Variants in FDXR observed in about 807,000 individuals in gnomAD.
FDXR encodes the protein NADPH:adrenodoxin oxidoreductase, mitochondrial.
In FDXR, 38 loss-of-function variants were observed where a neutral mutation model predicts 58.3. That is an observed-to-expected ratio of 0.65 (90% confidence interval 0.50 to 0.85). FDXR has a LOEUF of 0.85. FDXR is among the 40% of genes least tolerant of loss of function. The pLI is 0.00. For missense variants in FDXR, 624 were observed against 671.0 expected, an observed-to-expected ratio of 0.93 and a Z score of 0.77; for synonymous variants, 275 against 273.8, an observed-to-expected ratio of 1.00 and a Z score of -0.04.
At chr17:74,868,825 C>T (rs2038280668) in intron 2 of FDXR, 1 of 1,319,682 alleles carries the variant, frequency 7.6e-7, no homozygotes. Context: ...ACCCCAAATT[C>T]CCCTGAACTT....
At chr17:74,870,898 G>A (rs1417076428) in intron 2 of FDXR, among the ~76,000 whole-genome samples, 1 of 151,180 alleles carries the variant, frequency 6.6e-6, no homozygotes, top group East Asian at 1.9e-4. Flanking sequence ...CACCTCCTGG[G>A]TTCAAGCGAT....
chr17:74,867,745 T>C (rs2038241537), intron 2 of FDXR, among the ~76,000 whole-genome samples: 1 of 151,752 alleles, frequency 6.6e-6, no homozygotes, highest in African/African-American at 2.4e-5. Flanking sequence ...GGGTCGGGGG[T>C]CCAGCAGGCA....
chr17:74,870,162 C>T (rs2038323855), intron 2 of FDXR: 1 of 294,138 alleles, frequency 3.4e-6, no homozygotes, highest in Non-Finnish European at 7.4e-6. Flanking sequence ...TGAGCCCCTC[C>T]CCATCCCATT....
chr17:74,872,562 CGACTCA>C (rs1343292552), intron 1 of FDXR: 5 of 633,056 alleles, frequency 7.9e-6, no homozygotes, highest in South Asian at 2.0e-5. Context: ...ATCCCTGTTT[CGACTCA>C]GACTTTCCTC....
Position 74,864,816 on chromosome 17 carries a change from C to G in FDXR, c.717+8G>C. On this transcript the variant is annotated splice_region_variant and intron_variant, in intron 7 of 11. Coordinates refer to ENST00000293195, the MANE Select transcript of FDXR (RefSeq NM_024417.5). ...GAACCCTGGCTCCTCCCACTCTGGCCCCAGCACCTTAATGGTGAAGGCCAC... is the reference window on the plus strand; with the variant it reads ...GAACCCTGGCTCCTCCCACTCTGGCGCCAGCACCTTAATGGTGAAGGCCAC... 6.2e-7 allele frequency: 1 copy of G among 1,613,918 alleles called. No individual in the cohort carries two copies. Among genetic ancestry groups the G allele is most frequent in the Non-Finnish European group, 8.5e-7 (1 of 1,179,930 alleles).
At chr17:74,871,719 G>A (rs2144684430) in intron 2 of FDXR, among the ~76,000 whole-genome samples, 1 of 152,318 alleles carries the variant, frequency 6.6e-6, no homozygotes, top group South Asian at 2.1e-4. Context: ...GAGAGAGGAG[G>A]GAAGATGAAG....
intron 2 of FDXR, among the ~76,000 whole-genome samples, chr17:74,870,859 G>A (rs2038355238): frequency 7.4e-6 from 1 of 135,088 alleles, no homozygotes; most frequent in Non-Finnish European, 1.5e-5. Context: ...CTGGAGTACA[G>A]TGATTTGATC....
intron 2 of FDXR, among the ~76,000 whole-genome samples, chr17:74,871,801 C>G (rs1369477680): frequency 6.6e-6 from 1 of 152,162 alleles, no homozygotes; most frequent in Non-Finnish European, 1.5e-5. Context: ...AGCTGACCAC[C>G]TGCCACTGAC....
chr17:74,862,688 G>GAGCAGCCA lies in FDXR; in HGVS notation c.*121_*128dup. 7.8e-7 allele frequency: 1 copy of GAGCAGCCA among 1,287,320 alleles called. No individual in the cohort carries two copies. Among genetic ancestry groups the GAGCAGCCA allele is most frequent in the South Asian group, 1.5e-5 (1 of 66,280 alleles). The allele number at this position is 1,287,320 out of a possible 1,614,324, so 79.7% of individuals were successfully genotyped here. On this transcript the variant is annotated 3_prime_UTR_variant, in exon 12 of 12. Coordinates refer to ENST00000293195, the MANE Select transcript of FDXR (RefSeq NM_024417.5). ...CCAGGAGGGAGGAGAGACGCTGGAAGAGCAGCCAAGCCTCCAAGCCAGGGC... is the reference window on the plus strand; with the variant it reads ...CCAGGAGGGAGGAGAGACGCTGGAAGAGCAGCCAAGCAGCCAAGCCTCCAAGCCAGGGC...
At chr17:74,866,762 C>T in intron 3 of FDXR, 22 bp downstream of exon 3, 4 of 1,613,430 alleles carry the variant, frequency 2.5e-6, no homozygotes, top group Non-Finnish European at 3.4e-6. Context: ...AAACCCCAGC[C>T]TCCAGGCCCA....
At chr17:74,872,433 C>A (rs1201121388) in intron 1 of FDXR, 3 of 708,176 alleles carry the variant, frequency 4.2e-6, no homozygotes, top group South Asian at 3.8e-5. Context: ...ATCCTTCCAA[C>A]GGCCTCCATA....
chr17:74,863,137 C>T lies in FDXR; in HGVS notation c.1284G>A (p.Gly428=), dbSNP rs557071631. 25 of 1,613,766 alleles carry T rather than the reference C, an allele frequency of 1.5e-5. No individual in the cohort carries two copies. In the African/African-American group the frequency reaches 3.1e-4, roughly 20 times the overall value. Residue 428 remains glycine (G), a synonymous_variant, in exon 11 of 12, where the codon GGG becomes GGA. Transcript: ENST00000293195. ...CAGGCCTGGGGCCAGAGGGGAGCAA[C>T]CCAGCCTTCAGGTCCTGCAGCAGCA... The part of the protein sequence containing the change: ...GQMLLQDLKA[G]LLPSGPRPGY...
intron 6 of FDXR, 132 bp from the exon 7 acceptor site, chr17:74,865,063 G>T: frequency 7.9e-7 from 1 of 1,267,302 alleles, no homozygotes; most frequent in Non-Finnish European, 1.1e-6. Context: ...CCCCCCTGGT[G>T]GCCAGATGGA....
intron 2 of FDXR, chr17:74,868,635 T>G (rs1480233343): frequency 6.5e-7 from 1 of 1,535,540 alleles, no homozygotes; most frequent in African/African-American, 1.4e-5. Flanking sequence ...GAACGCTAAG[T>G]CTGCCGGATG....
intron 6 of FDXR, 36 bp from the exon 7 acceptor site, chr17:74,864,967 C>T (rs1263126518): frequency 6.2e-7 from 1 of 1,613,944 alleles, no homozygotes; most frequent in African/African-American, 1.3e-5. Context: ...TCATCAGACA[C>T]TGACCGAGGA....
In FDXR at chr17:74,862,600, A is replaced by T; in HGVS notation, c.*217T>A. On this transcript the variant is annotated 3_prime_UTR_variant, in exon 12 of 12. Transcript: ENST00000293195. Reference sequence around the variant, plus strand: ...AGGGGTTAGATCGGCCCACACCTCCACCTGTCCCTAAGGTTACCTCAGTTG... The same window carrying T: ...AGGGGTTAGATCGGCCCACACCTCCTCCTGTCCCTAAGGTTACCTCAGTTG... The T allele has an allele frequency of 1.7e-6, 1 of 586,390 alleles. No individual in the cohort carries two copies. Among genetic ancestry groups the T allele is most frequent in the Non-Finnish European group, 2.9e-6 (1 of 341,646 alleles). 36.3% of individuals were successfully genotyped at this position (586,390 alleles called of 1,614,324 possible).
chr17:74,871,937 A>C, intron 2 of FDXR, 99 bp downstream of exon 2: 2 of 862,738 alleles, frequency 2.3e-6, no homozygotes, highest in Non-Finnish European at 1.8e-6. Flanking sequence ...CCCCTTCCCC[A>C]TAAGGCAACC....
chr17:74,872,644 C>T (rs970419696), intron 1 of FDXR: 15 of 1,010,770 alleles, frequency 1.5e-5, no homozygotes, highest in Middle Eastern at 2.1e-4. Context: ...CTCAAAGTCT[C>T]TCCTTTTCAC....
At chr17:74,869,687 A>C (rs1041107419) in intron 2 of FDXR, among the ~76,000 whole-genome samples, 1 of 152,150 alleles carries the variant, frequency 6.6e-6, no homozygotes, top group African/African-American at 2.4e-5. Flanking sequence ...TATAGCCGTC[A>C]GAGCCCTAAA....
Sources: allele counts gnomAD v4.1 joint callset (sites outside exome capture counted in the v4.1 genomes callset), GRCh38; gene constraint gnomAD v4.1.1; transcripts MANE v1.5; gene names NCBI Gene and HGNC (gene_info 2026-07-23, HGNC 2026-07-21).